ALPK3: variants seen among roughly 807,000 people sequenced by gnomAD.
The protein encoded by ALPK3 is alpha kinase 3.
Under a neutral mutation model 140.0 loss-of-function variants are expected in ALPK3, and 102 were observed. The observed-to-expected ratio is 0.73, with a 90% CI of 0.62 to 0.86. The LOEUF is 0.86. Ranked by LOEUF, ALPK3 falls within the 40% of genes least tolerant of loss-of-function variation. The probability of loss-of-function intolerance (pLI) is 0.00; values close to 1 mark genes in which losing one functional copy is unlikely to be tolerated. For synonymous variants in ALPK3, 938 were observed against 898.5 expected (o/e 1.04, Z -0.79); for missense variants, 2,254 against 2,208.2 (o/e 1.02, Z -0.42).
intron 5 of ALPK3, 33 bp downstream of exon 5, chr15:84,840,965 T>C (rs777109556): frequency 2.4e-5 from 37 of 1,522,880 alleles, no homozygotes; most frequent in Non-Finnish European, 3.0e-5. Flanking sequence ...TGGAGGCCGC[T>C]CTGGGAAGCT....
chr15:84,859,837 G>T lies in ALPK3; in HGVS notation c.4027G>T (p.Val1343Leu). 1 of 1,614,060 alleles carries T rather than the reference G, an allele frequency of 6.2e-7. No individual in the cohort carries two copies. The highest frequency in any genetic ancestry group is 1.3e-5 in the African/African-American group (1 of 75,070). The change falls in exon 8 of 14, where the codon GTG becomes TTG. Residue 1343 changes from valine to leucine, a missense_variant. Val to Leu is a conservative substitution (Grantham distance 32, BLOSUM62 1). Around this residue, in one of 3 missense-constraint regions of ALPK3, gnomAD observed 2,088 missense variants for 2,022.9 expected, o/e 1.03. Coordinates refer to ENST00000258888, the MANE Select transcript of ALPK3 (RefSeq NM_020778.5). ...GCAGGCCTCCCCCGTAGACTGCGGT[G>T]TGTATCGGTGCACCATCCACAATGA... ...IVQASPVDCG[V>L]YRCTIHNEHG...
chr15:84,869,100 C>G lies in ALPK3; in HGVS notation c.*644C>G, dbSNP rs1964037683. ...TTGATGTGTGTTCACGCTCTTCCCC[C>G]TTCACTCACTCGCCTGCTTCCCATG... On this transcript the variant is annotated 3_prime_UTR_variant, in exon 14 of 14. Coordinates refer to ENST00000258888, the MANE Select transcript of ALPK3 (RefSeq NM_020778.5). 6.5e-6 allele frequency: 1 copy of G among 153,672 alleles called. No homozygotes were observed. The highest frequency in any genetic ancestry group is 6.5e-5 in the Admixed American group (1 of 15,404). 9.5% of individuals were successfully genotyped at this position (153,672 alleles called of 1,614,324 possible). A position where few individuals can be genotyped will look rare whatever the true frequency, so the allele number is the denominator to read the frequency against.
chr15:84,839,052 A>G lies in ALPK3; in HGVS notation c.377A>G (p.Tyr126Cys). 6.2e-7 allele frequency: 1 copy of G among 1,612,534 alleles called. No homozygotes were observed. The highest frequency in any genetic ancestry group is 2.2e-5 in the East Asian group (1 of 44,860). ...GACCGCTACTGTGGCTTGCCAAAAT[A>G]TGAGATCACTCATCAGGGCAACCGC... The part of the protein sequence containing the change: ...ELDRYCGLPK[Y>C]EITHQGNRHT... The change falls in exon 4 of 14, where the codon TAT becomes TGT. Residue 126 changes from tyrosine to cysteine, a missense_variant. By Grantham distance (194) the Tyr-to-Cys change is radical (BLOSUM62 -2). Coordinates refer to ENST00000258888, the MANE Select transcript of ALPK3 (RefSeq NM_020778.5).
intron 5 of ALPK3, among the ~76,000 whole-genome samples, chr15:84,855,094 G>A (rs1009524114): frequency 1.3e-5 from 2 of 152,150 alleles, no homozygotes; most frequent in African/African-American, 4.8e-5. Flanking sequence ...AGCTGCCAGC[G>A]TTTTCTGAGA....
rs1596160537 is a variant in ALPK3, at chr15:84,870,823, G to A, written c.*2367G>A. 2.0e-5 allele frequency: 3 copies of A among 152,336 alleles called. No homozygotes were observed. Among genetic ancestry groups the A allele is most frequent in the South Asian group, 4.1e-4 (2 of 4,828 alleles). The allele number at this position is 152,336 out of a possible 1,614,324, so 9.4% of individuals were successfully genotyped here. A position where few individuals can be genotyped will look rare whatever the true frequency, so the allele number is the denominator to read the frequency against. On this transcript the variant is annotated 3_prime_UTR_variant, in exon 14 of 14. Transcript: ENST00000258888. ...TTGCCACATGGAATGGTGGAGTACGGAAGGGTGGAAAGGGTTTGGTAGGTA... is the reference window on the plus strand; with the variant it reads ...TTGCCACATGGAATGGTGGAGTACGAAAGGGTGGAAAGGGTTTGGTAGGTA...
At chr15:84,823,018 T>C (rs957598325) in intron 1 of ALPK3, among the ~76,000 whole-genome samples, 2 of 152,230 alleles carry the variant, frequency 1.3e-5, no homozygotes, top group Non-Finnish European at 2.9e-5. Context: ...GCTGTAAGCC[T>C]CCCTCTTGGG....
chr15:84,834,699 G>A (rs1963580681), intron 3 of ALPK3, among the ~76,000 whole-genome samples: 1 of 152,246 alleles, frequency 6.6e-6, no homozygotes, highest in Non-Finnish European at 1.5e-5. Context: ...AGTCAGGTCT[G>A]CTGGCTGTGA....
rs1282472754 is a variant in ALPK3, at chr15:84,870,853, C to G, written c.*2397C>G. 6.6e-6 allele frequency: 1 copy of G among 152,172 alleles called. No homozygotes were observed. Among genetic ancestry groups the G allele is most frequent in the African/African-American group, 2.4e-5 (1 of 41,418 alleles). 9.4% of individuals were successfully genotyped at this position (152,172 alleles called of 1,614,324 possible). ...GTGGAAAGGGTTTGGTAGGTAAACC[C>G]TGAAGATGCTTCTAACACACGTGCT... On this transcript the variant is annotated 3_prime_UTR_variant, in exon 14 of 14. Coordinates refer to ENST00000258888, the MANE Select transcript of ALPK3 (RefSeq NM_020778.5).
Position 84,827,474 on chromosome 15 carries a change from C to A in ALPK3, c.183-10C>A. 1 of 1,613,968 alleles carries A rather than the reference C, an allele frequency of 6.2e-7. No homozygotes were observed. Among genetic ancestry groups the A allele is most frequent in the Admixed American group, 1.7e-5 (1 of 60,028 alleles). ...AAGGCCAGCTCTGAATAGCTCTTTG[C>A]CTCTCTTAGGAGCACCTTCTGCTCC... On this transcript the variant is annotated splice_polypyrimidine_tract_variant and intron_variant, in intron 2 of 13. Coordinates refer to ENST00000258888, the MANE Select transcript of ALPK3 (RefSeq NM_020778.5).
intron 12 of ALPK3, among the ~76,000 whole-genome samples, chr15:84,866,306 ATAT>A: frequency 6.6e-6 from 1 of 152,240 alleles, no homozygotes; most frequent in Non-Finnish European, 1.5e-5. Flanking sequence ...AGTCCTACAC[ATAT>A]TATGATTTTC....
At chr15:84,849,083 G>A (rs953741953) in intron 5 of ALPK3, among the ~76,000 whole-genome samples, 5 of 151,712 alleles carry the variant, frequency 3.3e-5, no homozygotes, top group African/African-American at 1.2e-4. Context: ...TGGAGGTTGC[G>A]TTGAGTCGAG....
Position 84,857,917 on chromosome 15 carries a change from G to A in ALPK3, c.3179G>A (p.Gly1060Asp). ...CGCCAGGCCCTTGCTGCTGCCCGAGGCTCCTGGGGTCCTGGTCCCAGCTCC... is the reference window on the plus strand; with the variant it reads ...CGCCAGGCCCTTGCTGCTGCCCGAGACTCCTGGGGTCCTGGTCCCAGCTCC... ...AGRQALAAARGSWGPGPSSLT... is the reference protein window; with the variant it reads ...AGRQALAAARDSWGPGPSSLT... The change falls in exon 6 of 14, where the codon GGC (glycine) becomes GAC (aspartate). Residue 1060 changes from glycine to aspartate, a missense_variant. This residue lies in a region of ALPK3 where 2,088 missense variants were observed against 2,022.9 expected (regional missense o/e 1.03). Coordinates refer to ENST00000258888, the MANE Select transcript of ALPK3 (RefSeq NM_020778.5). 2 of 1,611,004 alleles carry A rather than the reference G, an allele frequency of 1.2e-6. No individual in the cohort carries two copies. The highest frequency in any genetic ancestry group is 1.7e-6 in the Non-Finnish European group (2 of 1,179,082).
chr15:84,853,023 G>A (rs1306236365), intron 5 of ALPK3, among the ~76,000 whole-genome samples: 1 of 152,182 alleles, frequency 6.6e-6, no homozygotes, highest in African/African-American at 2.4e-5. Flanking sequence ...TGAAGAAGTA[G>A]TTTCAATAGA....
intron 3 of ALPK3, among the ~76,000 whole-genome samples, chr15:84,829,032 C>T (rs151337482): frequency 1.9e-4 from 29 of 152,290 alleles, no homozygotes; most frequent in Non-Finnish European, 3.8e-4. Flanking sequence ...TTTACTTTGT[C>T]AAATAAATAT....
chr15:84,836,702 C>G (rs1008242257), intron 3 of ALPK3, among the ~76,000 whole-genome samples: 5 of 152,160 alleles, frequency 3.3e-5, no homozygotes, highest in Non-Finnish European at 4.4e-5. Context: ...AGTGGAAATG[C>G]CAGATATGCA....
At chr15:84,863,028 A>C (rs997370017) in intron 10 of ALPK3, 113 bp downstream of exon 10, 2 of 1,395,170 alleles carry the variant, frequency 1.4e-6, no homozygotes, top group Non-Finnish European at 1.9e-6. Flanking sequence ...CTCAGTCTCA[A>C]CCTTATGAGG....
rs369709289 is a variant in ALPK3 at position 84,862,719 on chromosome 15, G to A, written c.4214G>A (p.Arg1405Gln). The change falls in exon 10 of 14, where the codon CGA becomes CAA. Residue 1405 changes from arginine to glutamine, a missense_variant. This residue lies in a region of ALPK3 where 2,088 missense variants were observed against 2,022.9 expected (regional missense o/e 1.03). Coordinates refer to ENST00000258888, the MANE Select transcript of ALPK3 (RefSeq NM_020778.5). The stretch of plus-strand genomic sequence containing the variant: ...TGCTGGGGGGACAAGCTCTTTGGGC[G>A]ACTGGTAAGCGAGGAGCTCCGAGGG... ...SGCWGDKLFG[R>Q]LVSEELRGGG... 2 of 1,614,174 alleles carry A rather than the reference G, an allele frequency of 1.2e-6. No individual in the cohort carries two copies. The highest frequency in any genetic ancestry group is 1.1e-5 in the South Asian group (1 of 91,084).
rs745878008 is a variant in ALPK3 at position 84,827,447 on chromosome 15, G to A, written c.183-37G>A. On this transcript the variant is annotated intron_variant, in intron 2 of 13. Transcript: ENST00000258888. ...GGCCAGGCTGTGCTGTTTGTTGTGG[G>A]GAAGGCCAGCTCTGAATAGCTCTTT... The A allele has an allele frequency of 1.4e-5, 22 of 1,612,370 alleles. No homozygotes were observed. In the East Asian group the frequency reaches 4.5e-4, roughly 33 times the overall value.
rs772625009 is a variant in ALPK3 at position 84,858,193 on chromosome 15, C to G, written c.3455C>G (p.Pro1152Arg). 7.4e-6 allele frequency: 12 copies of G among 1,612,382 alleles called. No individual in the cohort carries two copies. The highest frequency in any genetic ancestry group is 1.0e-5 in the Non-Finnish European group (12 of 1,179,340). The change falls in exon 6 of 14, where the codon CCG (proline) becomes CGG (arginine). Residue 1152 changes from proline (P) to arginine (R), a missense_variant. Pro to Arg is a moderately radical substitution (Grantham distance 103, BLOSUM62 -2). Around this residue, in one of 3 missense-constraint regions of ALPK3, gnomAD observed 2,088 missense variants for 2,022.9 expected, o/e 1.03. Transcript: ENST00000258888. ...CCAGGGGAGGCTCTGACAGGTCTCCCGGCAGCTACACCTGAGGAACTGGCT... is the reference window on the plus strand; with the variant it reads ...CCAGGGGAGGCTCTGACAGGTCTCCGGGCAGCTACACCTGAGGAACTGGCT... ...KFPGEALTGL[P>R]AATPEELALG...
Sources: allele counts gnomAD v4.1 joint callset (sites outside exome capture counted in the v4.1 genomes callset), GRCh38; gene constraint gnomAD v4.1.1; regional missense constraint gnomAD v4.1.1; transcripts MANE v1.5; gene names NCBI Gene and HGNC (gene_info 2026-07-23, HGNC 2026-07-21).